RUNDC3B: variants seen among roughly 807,000 people sequenced by gnomAD.
RUNDC3B encodes the protein RUN domain containing 3B.
Under a neutral mutation model 58.4 loss-of-function variants are expected in RUNDC3B, and 33 were observed. The ratio of observed to expected loss-of-function variants is 0.56; its 90% CI spans 0.43 to 0.75. RUNDC3B has a LOEUF of 0.75. RUNDC3B is among the 30% of genes least tolerant of loss of function. The probability of loss-of-function intolerance (pLI) is 0.00; values close to 1 mark genes in which losing one functional copy is unlikely to be tolerated. For synonymous variants in RUNDC3B, 193 were observed against 195.2 expected, an observed-to-expected ratio of 0.99 and a Z score of 0.10; for missense variants, 501 against 535.7, an observed-to-expected ratio of 0.94 and a Z score of 0.64.
chr7:87,762,760 T>A (rs928235880), intron 6 of RUNDC3B, among the ~76,000 whole-genome samples: 1 of 151,494 alleles, frequency 6.6e-6, no homozygotes, highest in Non-Finnish European at 1.5e-5. Flanking sequence ...GTACTATGAT[T>A]CCAGATATGT....
At chr7:87,766,150 T>C (rs1342171730) in intron 6 of RUNDC3B, among the ~76,000 whole-genome samples, 1 of 152,176 alleles carries the variant, frequency 6.6e-6, no homozygotes, top group African/African-American at 2.4e-5. Flanking sequence ...GATACATCTT[T>C]TTCAAACTCT....
intron 2 of RUNDC3B, among the ~76,000 whole-genome samples, chr7:87,687,140 A>T (rs1827545599): frequency 6.6e-6 from 1 of 152,114 alleles, no homozygotes; most frequent in Non-Finnish European, 1.5e-5. Flanking sequence ...TTTAGATTTT[A>T]TATTGATTCT....
chr7:87,797,463 A>T (rs1835878554), intron 8 of RUNDC3B, among the ~76,000 whole-genome samples: 1 of 152,168 alleles, frequency 6.6e-6, no homozygotes, highest in Non-Finnish European at 1.5e-5. Context: ...ACTTTTAGTG[A>T]TTATAAGATC....
chr7:87,725,688 C>G (rs1221172362), intron 4 of RUNDC3B, among the ~76,000 whole-genome samples: 4 of 152,182 alleles, frequency 2.6e-5, no homozygotes, highest in Non-Finnish European at 5.9e-5. Flanking sequence ...AATGGTTGAA[C>G]TAGTTTACCG....
rs1355314586 is a variant in RUNDC3B at position 87,807,968 on chromosome 7, G to T, written c.1103+449G>T. On this transcript the variant is annotated intron_variant, in intron 9 of 10. Transcript: ENST00000394654. ...TAATCACTTCACCTATGGGCCACAA[G>T]ATCTTTTTCTTATTTCTTTGTCCCG... Among the ~76,000 whole-genome samples, 5 of 152,148 alleles carry T rather than the reference G, an allele frequency of 3.3e-5. No homozygotes were observed. In the East Asian group the frequency reaches 9.7e-4, roughly 29 times the overall value.
At chr7:87,743,340 G>T (rs528395728) in intron 6 of RUNDC3B, among the ~76,000 whole-genome samples, 1 of 152,180 alleles carries the variant, frequency 6.6e-6, no homozygotes, top group African/African-American at 2.4e-5. Context: ...CCAGTGGTGG[G>T]ATTGATGGAT....
intron 10 of RUNDC3B, 67 bp downstream of exon 10, chr7:87,816,329 G>A: frequency 8.2e-7 from 1 of 1,222,408 alleles, no homozygotes; most frequent in Non-Finnish European, 1.2e-6. Flanking sequence ...GGTTGCAGAT[G>A]ATTGCCAGAG....
At chr7:87,634,486 G>A (rs1327943937) in intron 1 of RUNDC3B, among the ~76,000 whole-genome samples, 1 of 125,622 alleles carries the variant, frequency 8.0e-6, no homozygotes, top group Non-Finnish European at 1.7e-5. Context: ...AGGCGTGGTG[G>A]TGGGGGGTGG....
Position 87,706,441 on chromosome 7 carries a change from A to G in RUNDC3B, c.373-4129A>G, listed in dbSNP as rs143455755. Among the ~76,000 whole-genome samples, 954 of 152,338 alleles carry G rather than the reference A, an allele frequency of 6.3e-3. 39 individuals carry two copies. Among genetic ancestry groups the G allele is most frequent in the Admixed American group, 0.055 (838 of 15,298 alleles). On this transcript the variant is annotated intron_variant, in intron 3 of 10. Transcript: ENST00000394654. ...CTAAAACAGAGTCGATCCCAAAGGT[A>G]AGAAAACAATCAGGTTCCAGTGATA...
At chr7:87,758,385 C>A (rs948590982) in intron 6 of RUNDC3B, among the ~76,000 whole-genome samples, 4 of 151,926 alleles carry the variant, frequency 2.6e-5, no homozygotes, top group Admixed American at 2.0e-4. Flanking sequence ...GAAAATACTA[C>A]CAAAAACTGT....
intron 6 of RUNDC3B, among the ~76,000 whole-genome samples, chr7:87,766,559 GAAAA>G (rs1017393989): frequency 7.2e-5 from 11 of 152,106 alleles, no homozygotes; most frequent in African/African-American, 2.6e-4. Flanking sequence ...TAAGAAGGCT[GAAAA>G]AAGACCCCCA....
In RUNDC3B at chr7:87,816,395, A is replaced by C. The variant is rs1837036485; in HGVS notation, c.1225+133A>C. ...AGAAATTAAGCAGCCATTATGATTA[A>C]AAATGGTCTGCCTTTGTGTCTTTCT... On this transcript the variant is annotated intron_variant, in intron 10 of 10. Transcript: ENST00000394654. 6 of 650,124 alleles carry C rather than the reference A, an allele frequency of 9.2e-6. No homozygotes were observed. In the South Asian group the frequency reaches 1.6e-4, roughly 17 times the overall value. The allele number at this position is 650,124 out of a possible 1,614,324, so 40.3% of individuals were successfully genotyped here. A position where few individuals can be genotyped will look rare whatever the true frequency, so the allele number is the denominator to read the frequency against.
intron 10 of RUNDC3B, among the ~76,000 whole-genome samples, chr7:87,818,093 C>T (rs1465112302): frequency 6.6e-6 from 1 of 151,822 alleles, no homozygotes; most frequent in Non-Finnish European, 1.5e-5. Context: ...TGTCATAATC[C>T]ATAATGAGTA....
intron 9 of RUNDC3B, among the ~76,000 whole-genome samples, chr7:87,809,844 C>T (rs932830804): frequency 6.6e-6 from 1 of 152,084 alleles, no homozygotes; most frequent in African/African-American, 2.4e-5. Flanking sequence ...GTTTTTTCTC[C>T]CTTCAAACTT....
intron 4 of RUNDC3B, among the ~76,000 whole-genome samples, chr7:87,731,593 A>G (rs1359290712): frequency 6.6e-6 from 1 of 152,228 alleles, no homozygotes; most frequent in African/African-American, 2.4e-5. Flanking sequence ...ATGCCAATGG[A>G]ACCAAACATA....
At chr7:87,794,640 C>A (rs923647395) in intron 8 of RUNDC3B, among the ~76,000 whole-genome samples, 30 of 148,382 alleles carry the variant, frequency 2.0e-4, no homozygotes, top group Non-Finnish European at 3.4e-4. Context: ...AAAAAAAAAA[C>A]CTAACATTTT....
chr7:87,805,158 G>T (rs770721961), intron 8 of RUNDC3B, among the ~76,000 whole-genome samples: 13 of 152,170 alleles, frequency 8.5e-5, no homozygotes, highest in Non-Finnish European at 1.9e-4. Flanking sequence ...GGTACATTCT[G>T]TTCAGGGACC....
intron 4 of RUNDC3B, among the ~76,000 whole-genome samples, chr7:87,730,816 C>G (rs1045990479): frequency 2.6e-5 from 4 of 152,024 alleles, no homozygotes; most frequent in Non-Finnish European, 5.9e-5. Context: ...CTGGTGCTCA[C>G]AGGGGTGCAT....
chr7:87,791,232 A>G (rs752078080), intron 8 of RUNDC3B, among the ~76,000 whole-genome samples: 31 of 152,156 alleles, frequency 2.0e-4, no homozygotes, highest in Non-Finnish European at 3.1e-4. Context: ...AGTATATCCA[A>G]TGAAAATATC....
Sources: gnomAD v4.1 joint callset for allele counts (sites outside exome capture counted in the v4.1 genomes callset) on GRCh38, gnomAD v4.1.1 for gene constraint, MANE v1.5 for transcripts, NCBI Gene and HGNC (gene_info 2026-07-23, HGNC 2026-07-21) for gene names.